The following TRAPPC9 variants were observed in gnomAD, a reference collection of about 807,000 sequenced individuals.
TRAPPC9 encodes the protein trafficking protein particle complex subunit 9, also known as IKK2 binding protein.
Under a neutral mutation model 124.0 loss-of-function variants are expected in TRAPPC9, and 83 were observed. The observed-to-expected ratio is 0.67, with a 90% CI of 0.56 to 0.80. TRAPPC9 has a LOEUF of 0.80. Ranked by LOEUF, TRAPPC9 falls within the 30% of genes least tolerant of loss-of-function variation. TRAPPC9 has a pLI of 0.00. For missense variants in TRAPPC9, 1,302 were observed against 1,508.3 expected, an observed-to-expected ratio of 0.86 and a Z score of 2.27; for synonymous variants, 638 against 617.5, an observed-to-expected ratio of 1.03 and a Z score of -0.49.
intron 17 of TRAPPC9, among the ~76,000 whole-genome samples, chr8:140,210,512 G>A (rs959897708): frequency 4.6e-5 from 7 of 152,066 alleles, no homozygotes; most frequent in Non-Finnish European, 1.0e-4. Context: ...CCGGTTCTCC[G>A]GGAAGCCTTC....
At chr8:139,804,133 ACACCC>A in intron 21 of TRAPPC9, among the ~76,000 whole-genome samples, 1 of 129,916 alleles carries the variant, frequency 7.7e-6, no homozygotes, top group East Asian at 2.4e-4. Flanking sequence ...CACCACACAC[ACACCC>A]ACCACCACCC....
rs539587930 is a variant in TRAPPC9, at chr8:140,203,042, T to C, written c.2556+18417A>G. On this transcript the variant is annotated intron_variant, in intron 17 of 22. Coordinates refer to ENST00000438773, the MANE Select transcript of TRAPPC9 (RefSeq NM_001160372.4). The stretch of plus-strand genomic sequence containing the variant: ...GCTGAAAACAAACTTAAAAGCAAAA[T>C]GCAATGCAATGAGTGGTCCTGTATT... 5.3e-5 allele frequency among the ~76,000 whole-genome samples: 8 copies of C among 152,216 alleles called. No homozygotes were observed. In the East Asian group the frequency reaches 1.5e-3, roughly 29 times the overall value.
chr8:140,204,733 G>A (rs2062881233), intron 17 of TRAPPC9, among the ~76,000 whole-genome samples: 1 of 152,220 alleles, frequency 6.6e-6, no homozygotes, highest in Admixed American at 6.5e-5. Context: ...GTCCTCACCA[G>A]AAGCAGATGC....
At chr8:140,057,944 G>A (rs1196770533) in intron 17 of TRAPPC9, among the ~76,000 whole-genome samples, 2 of 152,236 alleles carry the variant, frequency 1.3e-5, no homozygotes, top group Admixed American at 6.5e-5. Context: ...AGGTGGTCCT[G>A]CCAGTCTCCG....
At chr8:140,048,939 C>T (rs537016878) in intron 17 of TRAPPC9, among the ~76,000 whole-genome samples, 1 of 152,224 alleles carries the variant, frequency 6.6e-6, no homozygotes, top group African/African-American at 2.4e-5. Flanking sequence ...CCTCGGTGCC[C>T]GGAACACAGC....
At chr8:140,238,792 T>C (rs2131415938) in intron 16 of TRAPPC9, among the ~76,000 whole-genome samples, 1 of 152,304 alleles carries the variant, frequency 6.6e-6, no homozygotes, top group Non-Finnish European at 1.5e-5. Context: ...GAAAATTAAC[T>C]TTCCCTGCCT....
chr8:139,983,070 C>T (rs1344093296), intron 19 of TRAPPC9, among the ~76,000 whole-genome samples: 1 of 152,236 alleles, frequency 6.6e-6, no homozygotes, highest in Non-Finnish European at 1.5e-5. Context: ...GGGAGGTGAT[C>T]AGCTCATGAA....
intron 21 of TRAPPC9, among the ~76,000 whole-genome samples, chr8:139,783,806 G>T (rs1821997426): frequency 6.6e-6 from 1 of 152,172 alleles, no homozygotes; most frequent in Admixed American, 6.5e-5. Context: ...ACCAACTGAA[G>T]ATCATCTTAG....
rs756763700 is a variant in TRAPPC9, at chr8:140,451,073, C to T, written c.301G>A (p.Val101Met). Residue 101 changes from valine (V) to methionine (M), a missense_variant, in exon 2 of 23, where the codon GTG (valine) becomes ATG (methionine). Physicochemically the swap from Val to Met is conservative, Grantham distance 21 (BLOSUM62 1). Coordinates refer to ENST00000438773, the MANE Select transcript of TRAPPC9 (RefSeq NM_001160372.4). ...DWPQTFEKFH[V>M]QKEIYGSTLY... Reference sequence around the variant, plus strand: ...GTGGAGCCGTAGATCTCCTTCTGCACGTGGAACTTCTCAAAGGTCTGTGGC... The same window carrying T: ...GTGGAGCCGTAGATCTCCTTCTGCATGTGGAACTTCTCAAAGGTCTGTGGC... 23 of 1,614,024 alleles carry T rather than the reference C, an allele frequency of 1.4e-5. No homozygotes were observed. The highest frequency in any genetic ancestry group is 1.3e-4 in the South Asian group (12 of 91,064).
At chr8:139,871,294 T>C (rs576679115) in intron 21 of TRAPPC9, among the ~76,000 whole-genome samples, 2 of 152,326 alleles carry the variant, frequency 1.3e-5, no homozygotes, top group South Asian at 4.1e-4. Context: ...CCATTTTTAT[T>C]AGCTCTTGGC....
At chr8:140,127,540 T>G (rs987013269) in intron 17 of TRAPPC9, among the ~76,000 whole-genome samples, 1 of 152,332 alleles carries the variant, frequency 6.6e-6, no homozygotes, top group East Asian at 1.9e-4. Flanking sequence ...GAGCAGGCCC[T>G]CAGGAAATAT....
rs992122376 is a variant in TRAPPC9, at chr8:140,415,573, A to G, written c.887-9875T>C. On this transcript the variant is annotated intron_variant, in intron 5 of 22. Transcript: ENST00000438773. ...TCTGTCACACAAAAAAAAAGAAAAG[A>G]AAAAGAATACTTTGAGCTGAAAAAA... Among the ~76,000 whole-genome samples, 40 of 152,186 alleles carry G rather than the reference A, an allele frequency of 2.6e-4. No homozygotes were observed. The Middle Eastern group carries it at 0.01, about 39-fold the overall frequency.
At chr8:140,115,924 T>A (rs1563772918) in intron 17 of TRAPPC9, among the ~76,000 whole-genome samples, 1 of 152,148 alleles carries the variant, frequency 6.6e-6, no homozygotes, top group Non-Finnish European at 1.5e-5. Context: ...TAAGACCACC[T>A]GGCGCACAAC....
chr8:140,016,064 T>C (rs972999145), intron 18 of TRAPPC9, among the ~76,000 whole-genome samples: 1 of 152,182 alleles, frequency 6.6e-6, no homozygotes, highest in Non-Finnish European at 1.5e-5. Context: ...AATCCTTCTT[T>C]CCTCAAGAAT....
At chr8:140,073,851 T>C (rs547042960) in intron 17 of TRAPPC9, among the ~76,000 whole-genome samples, 1 of 152,346 alleles carries the variant, frequency 6.6e-6, no homozygotes, top group Admixed American at 6.5e-5. Context: ...GTTTACTTTC[T>C]ATACGTTTAA....
chr8:139,855,787 G>A (rs1827763750), intron 21 of TRAPPC9, among the ~76,000 whole-genome samples: 2 of 152,200 alleles, frequency 1.3e-5, no homozygotes, highest in African/African-American at 4.8e-5. Flanking sequence ...CCGCCCTTGT[G>A]AAGAGGCCAC....
At chr8:139,932,983 T>C (rs572756997) in intron 19 of TRAPPC9, 379 of 158,340 alleles carry the variant, frequency 2.4e-3, no homozygotes, top group African/African-American at 8.4e-3. Flanking sequence ...AAATGCTTTC[T>C]CTTCAAGGCA....
At chr8:140,187,341 T>C (rs1484946238) in intron 17 of TRAPPC9, among the ~76,000 whole-genome samples, 1 of 152,166 alleles carries the variant, frequency 6.6e-6, no homozygotes, top group Admixed American at 6.5e-5. Flanking sequence ...GCAATATACG[T>C]ACTGGCTGAG....
At chr8:139,893,459 G>A (rs192686916) in intron 20 of TRAPPC9, among the ~76,000 whole-genome samples, 11 of 152,206 alleles carry the variant, frequency 7.2e-5, no homozygotes, top group East Asian at 3.9e-4. Context: ...TCTTTCGAGC[G>A]TGATCCAGCA....
Sources: gnomAD v4.1 joint callset for allele counts (sites outside exome capture counted in the v4.1 genomes callset) on GRCh38, gnomAD v4.1.1 for gene constraint, MANE v1.5 for transcripts, NCBI Gene and HGNC (gene_info 2026-07-23, HGNC 2026-07-21) for gene names.